BEND5: variants seen among roughly 807,000 people sequenced by gnomAD.
The protein encoded by BEND5 is BEN domain-containing protein 5.
In BEND5, 22 loss-of-function variants were observed where a neutral mutation model predicts 43.9. The observed-to-expected ratio is 0.50, with a 90% CI of 0.36 to 0.72. The LOEUF (loss-of-function observed/expected upper bound fraction) is 0.72. BEND5 is among the 30% of genes least tolerant of loss of function. The probability of loss-of-function intolerance (pLI) is 0.00; values close to 1 mark genes in which losing one functional copy is unlikely to be tolerated. For synonymous variants in BEND5, 228 were observed against 225.9 expected, an observed-to-expected ratio of 1.01 and a Z score of -0.08; for missense variants, 428 against 550.6, an observed-to-expected ratio of 0.78 and a Z score of 2.23.
At chr1:48,760,211 G>C (rs924433465) in intron 2 of BEND5, among the ~76,000 whole-genome samples, 1 of 152,324 alleles carries the variant, frequency 6.6e-6, no homozygotes, top group Non-Finnish European at 1.5e-5. Context: ...ACTGCCTAAG[G>C]AAATTCTAGC....
At chr1:48,737,078 T>C (rs1388296027) in intron 4 of BEND5, among the ~76,000 whole-genome samples, 1 of 151,958 alleles carries the variant, frequency 6.6e-6, no homozygotes, top group Admixed American at 6.6e-5. Flanking sequence ...GATCAGGAGA[T>C]TGGGACCATC....
intron 5 of BEND5, among the ~76,000 whole-genome samples, chr1:48,735,440 GGAGGAAGGAGAGAAAGTA>G (rs1308989816): frequency 6.6e-6 from 1 of 151,562 alleles, no homozygotes; most frequent in South Asian, 2.1e-4. Context: ...AAAGAAGAGA[GGAGGAAGGAGAGAAAGTA>G]GAGGAAGGAG....
chr1:48,759,229 A>AC lies in BEND5; in HGVS notation c.415dup (p.Val139GlyfsTer15). ...GCCGTTCTGCTTCTCTAGCCGAGCCACCACTGCCTCGATGCTCTTGTGCGC... is the reference window on the plus strand; with the variant it reads ...GCCGTTCTGCTTCTCTAGCCGAGCCACCCACTGCCTCGATGCTCTTGTGCGC... On this transcript the variant is annotated frameshift_variant, in exon 3 of 6. Transcript: ENST00000371833. LOFTEE classifies it high-confidence loss of function. 6.2e-7 allele frequency: 1 copy of AC among 1,600,682 alleles called. No individual in the cohort carries two copies. The highest frequency in any genetic ancestry group is 8.5e-7 in the Non-Finnish European group (1 of 1,173,378).
At chr1:48,746,621 C>T (rs1650809008) in intron 3 of BEND5, among the ~76,000 whole-genome samples, 1 of 152,232 alleles carries the variant, frequency 6.6e-6, no homozygotes, top group East Asian at 1.9e-4. Context: ...ACATTGTCTA[C>T]AGAAGGTCGG....
intron 1 of BEND5, among the ~76,000 whole-genome samples, chr1:48,767,665 A>G (rs1644596465): frequency 1.3e-5 from 2 of 152,218 alleles, no homozygotes; most frequent in African/African-American, 4.8e-5. Context: ...AGAAGAAACT[A>G]GGAAGGATGA....
Position 48,751,803 on chromosome 1 carries a change from T to C in BEND5, c.745+7097A>G, listed in dbSNP as rs12085886. Reference sequence around the variant, plus strand: ...TGTTAGAAAAGGGACAGCCTGGAGTTGTCCCTCAACCCCATCCCCACTGCC... The same window carrying C: ...TGTTAGAAAAGGGACAGCCTGGAGTCGTCCCTCAACCCCATCCCCACTGCC... On this transcript the variant is annotated intron_variant, in intron 3 of 5. Transcript: ENST00000371833. 2.1e-3 allele frequency among the ~76,000 whole-genome samples: 315 copies of C among 152,310 alleles called. 5 individuals carry two copies. Among genetic ancestry groups the C allele is most frequent in the African/African-American group, 6.9e-3 (285 of 41,562 alleles).
At chr1:48,731,790 C>T (rs933136621) in intron 5 of BEND5, among the ~76,000 whole-genome samples, 69 of 152,274 alleles carry the variant, frequency 4.5e-4, no homozygotes, top group Middle Eastern at 3.4e-3. Flanking sequence ...GAGATATAGC[C>T]AGAAACCAGA....
intron 5 of BEND5, among the ~76,000 whole-genome samples, chr1:48,731,932 G>GAA (rs1648204465): frequency 6.6e-6 from 1 of 152,114 alleles, no homozygotes; most frequent in African/African-American, 2.4e-5. Context: ...AATGGAGAGA[G>GAA]GAGTCTGGAA....
chr1:48,760,030 A>T (rs886896126), intron 2 of BEND5, among the ~76,000 whole-genome samples: 1 of 152,166 alleles, frequency 6.6e-6, no homozygotes, highest in African/African-American at 2.4e-5. Flanking sequence ...TCAGGGAAGG[A>T]CTACACTTAG....
At chr1:48,742,879 T>A in intron 3 of BEND5, 108 bp from the exon 4 acceptor site, 1 of 1,176,660 alleles carries the variant, frequency 8.5e-7, no homozygotes, top group South Asian at 2.0e-5. Flanking sequence ...ATTTGCTAGC[T>A]TATTTTTGTC....
chr1:48,767,485 TA>T (rs1254146119), intron 1 of BEND5, among the ~76,000 whole-genome samples: 2 of 152,158 alleles, frequency 1.3e-5, no homozygotes, highest in African/African-American at 2.4e-5. Context: ...GCAAGACGGA[TA>T]AGACGTGAGG....
intron 3 of BEND5, among the ~76,000 whole-genome samples, chr1:48,751,267 T>G (rs1235197823): frequency 2.6e-5 from 4 of 152,176 alleles, no homozygotes; most frequent in Middle Eastern, 3.2e-3. Flanking sequence ...GCAGGAAATA[T>G]TCATCTAAAA....
At chr1:48,732,245 T>G (rs1364665078) in intron 5 of BEND5, among the ~76,000 whole-genome samples, 1 of 150,488 alleles carries the variant, frequency 6.6e-6, no homozygotes, top group African/African-American at 2.4e-5. Context: ...GAGAGAGAAG[T>G]GAGCAGTGCA....
intron 1 of BEND5, 50 bp downstream of exon 1, chr1:48,776,556 G>A: frequency 7.6e-7 from 1 of 1,314,004 alleles, no homozygotes; most frequent in East Asian, 3.1e-5. Context: ...CCCTCCCGGG[G>A]TCCCAGCCCC....
intron 1 of BEND5, among the ~76,000 whole-genome samples, chr1:48,775,286 C>G (rs1200587085): frequency 6.6e-6 from 1 of 152,154 alleles, no homozygotes; most frequent in African/African-American, 2.4e-5. Context: ...AGTTCTTCCA[C>G]TCTTCAACTT....
intron 1 of BEND5, among the ~76,000 whole-genome samples, chr1:48,776,150 G>A (rs1440294664): frequency 6.6e-6 from 1 of 152,102 alleles, no homozygotes; most frequent in East Asian, 1.9e-4. Context: ...ACTCCAAGGA[G>A]GTACCAACAG....
intron 3 of BEND5, among the ~76,000 whole-genome samples, chr1:48,753,623 T>G (rs1458026871): frequency 6.6e-6 from 1 of 152,216 alleles, no homozygotes; most frequent in Non-Finnish European, 1.5e-5. Context: ...CAGGCCACAA[T>G]GGCTTTCTCC....
intron 3 of BEND5, among the ~76,000 whole-genome samples, chr1:48,747,930 CT>C (rs1225486694): frequency 6.6e-6 from 1 of 151,636 alleles, no homozygotes; most frequent in African/African-American, 2.4e-5. Flanking sequence ...TTCTTTCTTT[CT>C]TTTTTTTAGA....
chr1:48,771,155 C>T (rs1425239044), intron 1 of BEND5, among the ~76,000 whole-genome samples: 1 of 152,184 alleles, frequency 6.6e-6, no homozygotes, highest in African/African-American at 2.4e-5. Flanking sequence ...CCTAGTATAA[C>T]TCAATACTTG....
Sources: gnomAD v4.1 joint callset for allele counts (sites outside exome capture counted in the v4.1 genomes callset) on GRCh38, gnomAD v4.1.1 for gene constraint, MANE v1.5 for transcripts, NCBI Gene and HGNC (gene_info 2026-07-23, HGNC 2026-07-21) for gene names.